The following CHD9 variants were observed in gnomAD, a reference collection of about 807,000 sequenced individuals.
The protein encoded by CHD9 is chromodomain helicase DNA binding protein 9.
Under a neutral mutation model 316.1 loss-of-function variants are expected in CHD9, and 77 were observed. That is an observed-to-expected ratio of 0.24 (90% CI 0.20 to 0.29). The LOEUF (loss-of-function observed/expected upper bound fraction) is 0.29, where lower values mean the gene tolerates loss of function less well. Ranked by LOEUF, CHD9 falls within the 10% of genes least tolerant of loss-of-function variation. The pLI, the probability that CHD9 is intolerant of heterozygous loss-of-function variation, is 1.00. For synonymous variants in CHD9, 1,129 were observed against 1,158.3 expected, an observed-to-expected ratio of 0.97 and a Z score of 0.51; for missense variants, 2,763 against 3,438.1, an observed-to-expected ratio of 0.80 and a Z score of 4.91.
At chr16:53,104,573 G>A (rs1372336490) in intron 1 of CHD9, among the ~76,000 whole-genome samples, 1 of 152,122 alleles carries the variant, frequency 6.6e-6, no homozygotes, top group Non-Finnish European at 1.5e-5. Flanking sequence ...CACTTTGGGA[G>A]GCCAAGGCGG....
chr16:53,322,078 A>G (rs148877294), intron 38 of CHD9, among the ~76,000 whole-genome samples: 7,842 of 150,162 alleles, frequency 0.052, 343 homozygotes, highest in East Asian at 0.21. Context: ...GCTCACTGCA[A>G]CCTTCGCCTC....
chr16:53,121,129 A>G (rs1431710787), intron 1 of CHD9, among the ~76,000 whole-genome samples: 1 of 152,254 alleles, frequency 6.6e-6, no homozygotes, highest in Non-Finnish European at 1.5e-5. Context: ...GCTTTAGAAA[A>G]TAATTGGCCA....
intron 2 of CHD9, among the ~76,000 whole-genome samples, chr16:53,174,912 C>T (rs1466675393): frequency 2.0e-5 from 3 of 152,044 alleles, no homozygotes; most frequent in Non-Finnish European, 4.4e-5. Context: ...ATTTTGTATT[C>T]CTCTAAATAT....
rs563646868 is a variant in CHD9 at position 53,182,323 on chromosome 16, T to A, written c.1452+24782T>A. Among the ~76,000 whole-genome samples the A allele has an allele frequency of 2.8e-4, 43 of 152,262 alleles. 1 individual carries two copies. Among genetic ancestry groups the A allele is most frequent in the Admixed American group, 7.2e-4 (11 of 15,298 alleles). On this transcript the variant is annotated intron_variant, in intron 2 of 38. Coordinates refer to ENST00000447540, the MANE Select transcript of CHD9 (RefSeq NM_001308319.2). ...GATCTTCTCATCCCAACCTCCCAAG[T>A]AGTTGGGACCACAGGCATATGCCAC...
intron 2 of CHD9, among the ~76,000 whole-genome samples, chr16:53,206,361 A>G (rs950692123): frequency 1.1e-3 from 141 of 128,170 alleles, no homozygotes; most frequent in African/African-American, 4.0e-3. Flanking sequence ...GGCACCGGGA[A>G]AAAAAAAAAA....
chr16:53,293,123 A>T (rs1597858542), intron 29 of CHD9, 71 bp downstream of exon 29: 1 of 1,333,424 alleles, frequency 7.5e-7, no homozygotes, highest in South Asian at 1.3e-5. Flanking sequence ...CTGTCTGGGT[A>T]CAATTATCAC....
intron 2 of CHD9, chr16:53,208,046 A>C (rs2046021272): frequency 1.0e-6 from 1 of 994,376 alleles, no homozygotes. Flanking sequence ...GCTTTGTTGG[A>C]ATCTGGCTAT....
chr16:53,185,704 A>G (rs1439897266), intron 2 of CHD9, among the ~76,000 whole-genome samples: 2 of 152,204 alleles, frequency 1.3e-5, no homozygotes, highest in African/African-American at 4.8e-5. Context: ...GGCTGGGTCC[A>G]GTGCCTCCCT....
Position 53,187,093 on chromosome 16 carries a change from A to G in CHD9, c.1453-22389A>G, listed in dbSNP as rs561463887. Among the ~76,000 whole-genome samples the G allele has an allele frequency of 6.6e-5, 10 of 152,342 alleles. No individual in the cohort carries two copies. In the East Asian group the frequency reaches 1.7e-3, roughly 26 times the overall value. ...CAGAGTTAATAATGACTAGGTGGAG[A>G]AGGTCTACAGTCAGTGGAAAAATTA... is the stretch of plus-strand genomic sequence containing the variant. On this transcript the variant is annotated intron_variant, in intron 2 of 38. Coordinates refer to ENST00000447540, the MANE Select transcript of CHD9 (RefSeq NM_001308319.2).
intron 1 of CHD9, among the ~76,000 whole-genome samples, chr16:53,066,782 A>G (rs910419999): frequency 6.6e-6 from 1 of 152,022 alleles, no homozygotes; most frequent in Admixed American, 6.6e-5. Flanking sequence ...AGTCCATTAC[A>G]CCTGTGTCAA....
chr16:53,231,913 T>C, intron 10 of CHD9, 129 bp downstream of exon 10: 2 of 872,616 alleles, frequency 2.3e-6, no homozygotes, highest in Non-Finnish European at 3.4e-6. Context: ...GTGAGTCTAG[T>C]TTTGGGAGCC....
At position 53,156,938 on chromosome 16, in the gene CHD9, A is replaced by T; in HGVS notation, c.849A>T (p.Pro283=). 6.2e-7 allele frequency: 1 copy of T among 1,613,640 alleles called. No homozygotes were observed. Among genetic ancestry groups the T allele is most frequent in the Non-Finnish European group, 8.5e-7 (1 of 1,179,704 alleles). ...CCTTTTCCAGTAATCATATATCACC[A>T]AACAGTCTACTTCAGTCCTCTGCAG... The part of the protein sequence containing the change: ...HYSFSSNHIS[P]NSLLQSSAVL... The change falls in exon 2 of 39, where the codon CCA becomes CCT. Residue 283 remains proline (P), a synonymous_variant. Transcript: ENST00000447540.
chr16:53,151,602 A>G (rs1567382220), intron 1 of CHD9, among the ~76,000 whole-genome samples: 1 of 151,912 alleles, frequency 6.6e-6, no homozygotes, highest in Non-Finnish European at 1.5e-5. Flanking sequence ...GAATCTGGTA[A>G]TTTCAATTCT....
At chr16:53,082,490 C>T (rs1429321073) in intron 1 of CHD9, among the ~76,000 whole-genome samples, 2 of 152,220 alleles carry the variant, frequency 1.3e-5, no homozygotes, top group East Asian at 3.9e-4. Context: ...ATCTTCCCAC[C>T]TCTGCCTCCT....
chr16:53,285,208 C>T (rs532224365), intron 24 of CHD9, among the ~76,000 whole-genome samples: 239 of 152,230 alleles, frequency 1.6e-3, no homozygotes, highest in African/African-American at 5.3e-3. Flanking sequence ...CCTTTTAGGG[C>T]CTCAGTTTTC....
intron 1 of CHD9, among the ~76,000 whole-genome samples, chr16:53,071,627 A>G (rs1255836059): frequency 6.6e-6 from 1 of 152,222 alleles, no homozygotes; most frequent in African/African-American, 2.4e-5. Context: ...TTAAAGCCTC[A>G]GGCTAGAAGA....
At chr16:53,290,640 A>G (rs1374646832) in intron 27 of CHD9, among the ~76,000 whole-genome samples, 3 of 152,006 alleles carry the variant, frequency 2.0e-5, no homozygotes, top group African/African-American at 4.8e-5. Flanking sequence ...AATAAAAAAA[A>G]GATGACATTT....
At chr16:53,311,312 A>G (rs1245845868) in intron 34 of CHD9, 5 of 152,292 alleles carry the variant, frequency 3.3e-5, no homozygotes, top group Admixed American at 2.6e-4. Flanking sequence ...TGAAATCTAG[A>G]TCTTTATTCC....
At chr16:53,305,322 A>G (rs1359480855) in intron 31 of CHD9, among the ~76,000 whole-genome samples, 1 of 152,148 alleles carries the variant, frequency 6.6e-6, no homozygotes, top group Non-Finnish European at 1.5e-5. Context: ...TAGCCTCCCA[A>G]AGTGCTGGGA....
Sources: allele counts gnomAD v4.1 joint callset (sites outside exome capture counted in the v4.1 genomes callset), GRCh38; gene constraint gnomAD v4.1.1; transcripts MANE v1.5; gene names NCBI Gene and HGNC (gene_info 2026-07-23, HGNC 2026-07-21).